RBFOX1: variants seen among roughly 807,000 people sequenced by gnomAD.
RBFOX1 encodes the protein RNA binding protein fox-1 homolog 1.
Under a neutral mutation model 57.7 loss-of-function variants are expected in RBFOX1, and 8 were observed. The ratio of observed to expected loss-of-function variants is 0.14; its 90% confidence interval spans 0.08 to 0.25. RBFOX1 has a LOEUF of 0.25. Ranked by LOEUF, RBFOX1 falls within the 10% of genes least tolerant of loss-of-function variation. The pLI is 1.00. For synonymous variants in RBFOX1, 326 were observed against 222.4 expected (o/e 1.47, Z -4.15); for missense variants, 611 against 548.5 (o/e 1.11, Z -1.14).
intron 1 of RBFOX1, among the ~76,000 whole-genome samples, chr16:6,270,619 G>GAAT (rs1220908262): frequency 6.6e-5 from 10 of 152,114 alleles, no homozygotes; most frequent in Admixed American, 6.5e-4. Flanking sequence ...AGAAATGGAA[G>GAAT]AATATCACAA....
At position 7,157,659 on chromosome 16, in the gene RBFOX1, G is replaced by C. The variant is rs996677077; in HGVS notation, c.27+105561G>C. ...TAAACTGGATTAAGGTGGTGGAAAT[G>C]ACAGTATCTCTACACGCCATAGCCA... is the stretch of plus-strand genomic sequence containing the variant. On this transcript the variant is annotated intron_variant, in intron 4 of 15. Coordinates refer to ENST00000550418, the MANE Select transcript of RBFOX1 (RefSeq NM_018723.4). 3.9e-5 allele frequency among the ~76,000 whole-genome samples: 6 copies of C among 152,224 alleles called. No homozygotes were observed. The South Asian group carries it at 8.3e-4, about 21-fold the overall frequency.
At chr16:6,103,899 T>C (rs2096345868) in intron 1 of RBFOX1, among the ~76,000 whole-genome samples, 1 of 152,180 alleles carries the variant, frequency 6.6e-6, no homozygotes, top group South Asian at 2.1e-4. Flanking sequence ...TTTGCTCTGT[T>C]CCAATTTGGA....
At chr16:6,679,539 C>T (rs934016735) in intron 3 of RBFOX1, among the ~76,000 whole-genome samples, 5 of 152,142 alleles carry the variant, frequency 3.3e-5, no homozygotes, top group South Asian at 2.1e-4. Flanking sequence ...AATGGGGAAA[C>T]ATGTACAGTC....
At chr16:7,698,468 C>G (rs952050355) in intron 14 of RBFOX1, among the ~76,000 whole-genome samples, 1 of 152,034 alleles carries the variant, frequency 6.6e-6, no homozygotes. Context: ...CAATTAGAAG[C>G]AAGTTCAGGG....
chr16:6,896,896 C>T (rs1464099688), intron 3 of RBFOX1, among the ~76,000 whole-genome samples: 1 of 152,050 alleles, frequency 6.6e-6, no homozygotes, highest in Non-Finnish European at 1.5e-5. Context: ...ATTTAGGTGA[C>T]ATTTTTAAAA....
At chr16:5,776,389 C>A (rs943704595) in intron 3 of RBFOX1, among the ~76,000 whole-genome samples, 1 of 152,160 alleles carries the variant, frequency 6.6e-6, no homozygotes, top group Non-Finnish European at 1.5e-5. Context: ...CAGCATGAGA[C>A]CACGGCCACC....
At chr16:6,200,929 G>C (rs182969737) in intron 1 of RBFOX1, among the ~76,000 whole-genome samples, 17 of 131,542 alleles carry the variant, frequency 1.3e-4, no homozygotes, top group Non-Finnish European at 2.4e-4. Flanking sequence ...AGAGTTTTCG[G>C]TGTTAACTTA....
At chr16:7,595,677 T>A (rs1033768049) in intron 8 of RBFOX1, 36 bp downstream of exon 8, 1 of 1,529,624 alleles carries the variant, frequency 6.5e-7, no homozygotes, top group African/African-American at 1.4e-5. Context: ...TCATCTTTTT[T>A]ATAAATGTCT....
At chr16:6,415,735 G>C (rs776420078) in intron 2 of RBFOX1, among the ~76,000 whole-genome samples, 1 of 152,054 alleles carries the variant, frequency 6.6e-6, no homozygotes. Flanking sequence ...CAAAACAGGA[G>C]AGTCTGTGTG....
intron 3 of RBFOX1, among the ~76,000 whole-genome samples, chr16:6,962,649 G>A (rs1421381775): frequency 6.6e-6 from 1 of 152,094 alleles, no homozygotes; most frequent in Admixed American, 6.6e-5. Flanking sequence ...TAGATTGGTT[G>A]AACTCAGGAG....
At chr16:7,523,093 G>A (rs1482625560) in intron 5 of RBFOX1, among the ~76,000 whole-genome samples, 1 of 152,118 alleles carries the variant, frequency 6.6e-6, no homozygotes, top group East Asian at 1.9e-4. Flanking sequence ...CAAACATTAT[G>A]TGCTCTCTTT....
At chr16:6,451,732 C>G (rs148499422) in intron 2 of RBFOX1, among the ~76,000 whole-genome samples, 3 of 152,202 alleles carry the variant, frequency 2.0e-5, no homozygotes, top group African/African-American at 7.2e-5. Context: ...CACACCACCA[C>G]AGACAGAGCA....
intron 3 of RBFOX1, among the ~76,000 whole-genome samples, chr16:6,763,075 C>G (rs2076853747): frequency 6.6e-6 from 1 of 152,174 alleles, no homozygotes; most frequent in African/African-American, 2.4e-5. Context: ...TATATCAGGA[C>G]TGTATTACGA....
chr16:7,244,420 C>G (rs2094205490), intron 4 of RBFOX1, among the ~76,000 whole-genome samples: 2 of 152,144 alleles, frequency 1.3e-5, no homozygotes, highest in Non-Finnish European at 2.9e-5. Flanking sequence ...CATTTCAGCA[C>G]ACATCTTTGT....
chr16:7,611,019 C>G (rs1470873924), intron 10 of RBFOX1, among the ~76,000 whole-genome samples: 1 of 152,142 alleles, frequency 6.6e-6, no homozygotes, highest in Non-Finnish European at 1.5e-5. Context: ...GGCTCTGTAT[C>G]TGCTTAAGAT....
chr16:5,797,393 T>C (rs752567709), intron 3 of RBFOX1, among the ~76,000 whole-genome samples: 2 of 152,208 alleles, frequency 1.3e-5, no homozygotes, highest in East Asian at 3.8e-4. Flanking sequence ...ATTGGGTGCT[T>C]CTGAGAAGTC....
chr16:5,517,466 T>C (rs1299609379), intron 2 of RBFOX1, among the ~76,000 whole-genome samples: 1 of 152,206 alleles, frequency 6.6e-6, no homozygotes, highest in Non-Finnish European at 1.5e-5. Flanking sequence ...AATAGCTTTT[T>C]GGCTCAGTCT....
chr16:6,881,872 A>C (rs185383410), intron 3 of RBFOX1, among the ~76,000 whole-genome samples: 9 of 152,204 alleles, frequency 5.9e-5, no homozygotes, highest in African/African-American at 2.2e-4. Flanking sequence ...TAAGAACTGT[A>C]GTAAAAGTTT....
At chr16:6,445,774 G>A (rs2094472490) in intron 2 of RBFOX1, among the ~76,000 whole-genome samples, 1 of 151,914 alleles carries the variant, frequency 6.6e-6, no homozygotes, top group African/African-American at 2.4e-5. Context: ...GTTGCGACAG[G>A]GTTTCACCAT....
Sources: gnomAD v4.1 joint callset for allele counts (sites outside exome capture counted in the v4.1 genomes callset) on GRCh38, gnomAD v4.1.1 for gene constraint, MANE v1.5 for transcripts, NCBI Gene and HGNC (gene_info 2026-07-23, HGNC 2026-07-21) for gene names.